Variants in STK3 observed in about 807,000 individuals in gnomAD.
STK3 encodes the protein serine/threonine kinase 3, also known as serine/threonine-protein kinase 3.
A neutral mutation model predicts 58.0 loss-of-function variants in STK3; 41 were observed. The ratio of observed to expected loss-of-function variants is 0.71; its 90% CI spans 0.55 to 0.92. The LOEUF (loss-of-function observed/expected upper bound fraction) is 0.92. Among genes scored for constraint, STK3 ranks in the 40% least tolerant of loss-of-function variants. The pLI is 0.00. For synonymous variants in STK3, 170 were observed against 191.0 expected (o/e 0.89, Z 0.91); for missense variants, 479 against 602.7 (o/e 0.79, Z 2.15).
chr8:98,574,271 G>A (rs748795880), intron 8 of STK3, among the ~76,000 whole-genome samples: 41 of 152,078 alleles, frequency 2.7e-4, no homozygotes, highest in East Asian at 7.7e-4. Flanking sequence ...CTTAAGAAAC[G>A]ACAATTAAAC....
downstream of STK3, chr8:98,878,777 C>T (rs569464367): frequency 1.2e-5 from 2 of 172,752 alleles, no homozygotes; most frequent in South Asian, 1.9e-4. Flanking sequence ...TATTCGAGTG[C>T]TATTTCTTTT....
chr8:98,905,553 A>G, intron 1 of STK3: 1 of 1,055,214 alleles, frequency 9.5e-7, no homozygotes, highest in Non-Finnish European at 1.5e-6. Flanking sequence ...TTCTATGTGT[A>G]CAAAGCCGTA....
the STK3 span, among the ~76,000 whole-genome samples, chr8:98,345,595 C>G: frequency 6.6e-6 from 1 of 151,936 alleles, no homozygotes; most frequent in African/African-American, 2.4e-5. Flanking sequence ...TTAGAGGGAA[C>G]AGTATCTGAT....
intron 3 of STK3, among the ~76,000 whole-genome samples, chr8:98,843,741 G>A (rs1202718505): frequency 6.6e-6 from 1 of 152,252 alleles, no homozygotes; most frequent in Non-Finnish European, 1.5e-5. Flanking sequence ...TGGAAGCCGT[G>A]CCTGGTGGCT....
chr8:98,427,408 A>C (rs1259883008), intron 3 of STK3: 1 of 152,022 alleles, frequency 6.6e-6, no homozygotes, highest in Non-Finnish European at 1.5e-5. Context: ...CCCGGGGCAT[A>C]GCGCCAGGCC....
chr8:98,727,317 G>C (rs947335237), intron 4 of STK3, among the ~76,000 whole-genome samples: 1 of 152,214 alleles, frequency 6.6e-6, no homozygotes, highest in Non-Finnish European at 1.5e-5. Flanking sequence ...ACTGAGGGAA[G>C]AGCTTGTGTG....
chr8:98,741,551 A>T (rs1652614872), intron 4 of STK3, among the ~76,000 whole-genome samples: 2 of 152,218 alleles, frequency 1.3e-5, no homozygotes, highest in South Asian at 4.1e-4. Flanking sequence ...AACCAATGAG[A>T]ACAAAGACAC....
chr8:98,741,326 A>T (rs1347505785), intron 4 of STK3, among the ~76,000 whole-genome samples: 2 of 152,202 alleles, frequency 1.3e-5, no homozygotes, highest in African/African-American at 4.8e-5. Context: ...CTGTTCCAAA[A>T]TTGACCACAT....
intron 7 of STK3, among the ~76,000 whole-genome samples, chr8:98,587,310 T>C (rs1423143215): frequency 7.9e-5 from 12 of 152,140 alleles, no homozygotes; most frequent in Non-Finnish European, 8.8e-5. Context: ...TTTGTTCTCA[T>C]TGGTTTCAAA....
upstream of STK3, among the ~76,000 whole-genome samples, chr8:98,830,269 G>A (rs1835476229): frequency 6.6e-6 from 1 of 151,968 alleles, no homozygotes; most frequent in Admixed American, 6.6e-5. Flanking sequence ...GAGGGGAAGG[G>A]ATGAAATTCA....
intron 3 of STK3, among the ~76,000 whole-genome samples, chr8:98,764,761 G>A (rs12114834): frequency 0.3 from 45,958 of 151,994 alleles, 7,837 homozygotes; most frequent in East Asian, 0.45. Context: ...TACAATCCCC[G>A]AACTCAAGGA....
intron 10 of STK3, among the ~76,000 whole-genome samples, chr8:98,481,481 T>C (rs1005026918): frequency 1.1e-4 from 16 of 152,122 alleles, no homozygotes; most frequent in African/African-American, 3.9e-4. Context: ...CTAAGTGAAG[T>C]AACTCAGGAA....
chr8:98,806,929 C>A (rs552807731), intron 1 of STK3, among the ~76,000 whole-genome samples: 1 of 151,948 alleles, frequency 6.6e-6, no homozygotes, highest in African/African-American at 2.4e-5. Flanking sequence ...CCAAGGCAGG[C>A]GGATCACAAG....
intron 4 of STK3, among the ~76,000 whole-genome samples, chr8:98,713,173 G>C (rs1482391001): frequency 6.6e-6 from 1 of 152,132 alleles, no homozygotes; most frequent in African/African-American, 2.4e-5. Flanking sequence ...ATACCCAAAA[G>C]AGAAAGCAGG....
intron 3 of STK3, among the ~76,000 whole-genome samples, chr8:98,752,973 GGTTGT>G (rs1308351594): frequency 6.6e-6 from 1 of 150,822 alleles, no homozygotes; most frequent in African/African-American, 2.4e-5. Flanking sequence ...ATGCTGGCAA[GGTTGT>G]GAAGAAAAAG....
chr8:98,471,177 A>G (rs896191798), intron 10 of STK3, among the ~76,000 whole-genome samples: 6 of 152,072 alleles, frequency 3.9e-5, no homozygotes, highest in Non-Finnish European at 7.4e-5. Context: ...ACTGAGAAAC[A>G]TGAAGTCACT....
At chr8:98,902,871 T>C (rs1314906858) in intron 1 of STK3, among the ~76,000 whole-genome samples, 1 of 152,228 alleles carries the variant, frequency 6.6e-6, no homozygotes, top group African/African-American at 2.4e-5. Flanking sequence ...ATAAGGAAAC[T>C]GAGGACTGGA....
chr8:98,350,313 A>G, the STK3 span, among the ~76,000 whole-genome samples: 2 of 152,150 alleles, frequency 1.3e-5, no homozygotes, highest in African/African-American at 4.8e-5. Flanking sequence ...TCCATCTGAG[A>G]CCATCTCAGC....
At chr8:98,567,665 T>C (rs924599916) in intron 8 of STK3, among the ~76,000 whole-genome samples, 1 of 152,172 alleles carries the variant, frequency 6.6e-6, no homozygotes, top group Non-Finnish European at 1.5e-5. Flanking sequence ...CTTTGAATTG[T>C]TCTAATTTAT....
Sources: gnomAD v4.1 joint callset for allele counts (sites outside exome capture counted in the v4.1 genomes callset) on GRCh38, gnomAD v4.1.1 for gene constraint, MANE v1.5 for transcripts, NCBI Gene and HGNC (gene_info 2026-07-23, HGNC 2026-07-21) for gene names.